ELMO1: variants seen among roughly 807,000 people sequenced by gnomAD.
ELMO1 encodes the protein engulfment and cell motility 1.
ELMO1 carries 26 observed loss-of-function variants against 98.9 expected under a neutral mutation model. That is an observed-to-expected ratio of 0.26 (90% CI 0.19 to 0.36). The LOEUF (loss-of-function observed/expected upper bound fraction) is 0.36, where lower values mean the gene tolerates loss of function less well. Among genes scored for constraint, ELMO1 ranks in the 10% least tolerant of loss-of-function variants. ELMO1 has a pLI of 1.00. For missense variants in ELMO1, 627 were observed against 935.2 expected, an observed-to-expected ratio of 0.67 and a Z score of 4.30; for synonymous variants, 346 against 346.0, an observed-to-expected ratio of 1.00 and a Z score of 0.00.
At chr7:37,050,695 G>A (rs1182904679) in intron 15 of ELMO1, among the ~76,000 whole-genome samples, 1 of 148,082 alleles carries the variant, frequency 6.8e-6, no homozygotes, top group Non-Finnish European at 1.5e-5. Context: ...AAACTGGCTT[G>A]ACTGTAGAAA....
At chr7:37,242,295 GGTTA>G (rs1794801930) in intron 7 of ELMO1, among the ~76,000 whole-genome samples, 1 of 151,982 alleles carries the variant, frequency 6.6e-6, no homozygotes, top group South Asian at 2.1e-4. Flanking sequence ...ACTGACATCT[GGTTA>G]TTTTTATGGT....
In ELMO1 at chr7:37,132,036, C is replaced by G. The variant is rs376087485; in HGVS notation, c.1191+1094G>C. Reference sequence around the variant, plus strand: ...AGGCATGGTGACAACTGAAGAAACACGCCCACACATTGCCAAATGCTCTCT... The same window carrying G: ...AGGCATGGTGACAACTGAAGAAACAGGCCCACACATTGCCAAATGCTCTCT... On this transcript the variant is annotated intron_variant, in intron 14 of 21. Coordinates refer to ENST00000310758, the MANE Select transcript of ELMO1 (RefSeq NM_014800.11). Among the ~76,000 whole-genome samples the G allele has an allele frequency of 3.3e-5, 5 of 152,220 alleles. No homozygotes were observed. The South Asian group carries it at 6.2e-4, about 19-fold the overall frequency.
chr7:36,958,848 G>A (rs895713655), intron 16 of ELMO1, among the ~76,000 whole-genome samples: 3 of 151,460 alleles, frequency 2.0e-5, no homozygotes, highest in African/African-American at 7.3e-5. Context: ...TCACTCCCTA[G>A]GTGATCTGAT....
chr7:36,927,011 A>G (rs1423422056), intron 16 of ELMO1, among the ~76,000 whole-genome samples: 2 of 152,242 alleles, frequency 1.3e-5, no homozygotes. Context: ...ATTTAAAAAG[A>G]TACCCAGCCT....
intron 6 of ELMO1, among the ~76,000 whole-genome samples, chr7:37,253,337 T>C (rs770467355): frequency 3.7e-4 from 56 of 152,094 alleles, no homozygotes; most frequent in Non-Finnish European, 6.2e-4. Flanking sequence ...CAAATGTCCA[T>C]CAATGATAGA....
chr7:37,086,061 T>C (rs1048714097), intron 15 of ELMO1, among the ~76,000 whole-genome samples: 2 of 152,070 alleles, frequency 1.3e-5, no homozygotes, highest in South Asian at 4.1e-4. Flanking sequence ...CTCTCTCAGA[T>C]CTCTAAGGGC....
chr7:37,051,976 A>G (rs540092783), intron 15 of ELMO1, among the ~76,000 whole-genome samples: 1 of 152,230 alleles, frequency 6.6e-6, no homozygotes, highest in Non-Finnish European at 1.5e-5. Context: ...AGAGGTCATT[A>G]AACAGCAGAG....
At chr7:36,910,785 G>C (rs1025886511) in intron 16 of ELMO1, among the ~76,000 whole-genome samples, 1 of 152,170 alleles carries the variant, frequency 6.6e-6, no homozygotes, top group Non-Finnish European at 1.5e-5. Flanking sequence ...TAGAGCAGAC[G>C]AATGAAGCTA....
intron 1 of ELMO1, among the ~76,000 whole-genome samples, chr7:37,420,181 GCA>G: frequency 6.9e-6 from 1 of 145,870 alleles, no homozygotes; most frequent in South Asian, 2.3e-4. Context: ...CAAGGCTGCA[GCA>G]CTGTTCACTC....
chr7:36,932,780 T>C (rs1786153807), intron 16 of ELMO1, among the ~76,000 whole-genome samples: 1 of 152,212 alleles, frequency 6.6e-6, no homozygotes, highest in Admixed American at 6.5e-5. Flanking sequence ...TTCAGCCTGC[T>C]CTGTCAGGCT....
At chr7:37,415,141 A>C (rs10488650) in intron 1 of ELMO1, among the ~76,000 whole-genome samples, 4,859 of 152,290 alleles carry the variant, frequency 0.032, 265 homozygotes, top group African/African-American at 0.11. Context: ...AAGCCTGTTA[A>C]TTTTTAAATC....
rs533184527 is a variant in ELMO1, at chr7:36,902,063, C to T, written c.1438-7046G>A. Among the ~76,000 whole-genome samples the T allele has an allele frequency of 2.0e-5, 3 of 152,296 alleles. No homozygotes were observed. The East Asian group carries it at 5.8e-4, about 29-fold the overall frequency. ...TCACTGTGGTTCCACCACTGCAGTCCCCTGGTGAAGGGCCTCCTTGTCTAG... is the reference window on the plus strand; with the variant it reads ...TCACTGTGGTTCCACCACTGCAGTCTCCTGGTGAAGGGCCTCCTTGTCTAG... On this transcript the variant is annotated intron_variant, in intron 16 of 21. Coordinates refer to ENST00000310758, the MANE Select transcript of ELMO1 (RefSeq NM_014800.11).
chr7:36,894,537 G>C (rs1805826519), intron 17 of ELMO1, among the ~76,000 whole-genome samples: 1 of 152,132 alleles, frequency 6.6e-6, no homozygotes, highest in South Asian at 2.1e-4. Context: ...AGTTTTACTG[G>C]TCAAAGAGAA....
chr7:37,068,369 T>C (rs1005186478), intron 15 of ELMO1, among the ~76,000 whole-genome samples: 1 of 152,198 alleles, frequency 6.6e-6, no homozygotes, highest in Non-Finnish European at 1.5e-5. Flanking sequence ...CTATTCTTAG[T>C]AATAGAATAT....
chr7:37,085,645 GA>G lies in ELMO1; in HGVS notation c.1300+10973del, dbSNP rs1045927929. 5.4e-5 allele frequency among the ~76,000 whole-genome samples: 8 copies of G among 148,934 alleles called. No individual in the cohort carries two copies. The East Asian group carries it at 5.9e-4, about 11-fold the overall frequency. ...GCTGAGAACAGTGATTACTGCTTTGGAAAAAAAAAATAACCCGTGGGTCCAA... is the reference window on the plus strand; with the variant it reads ...GCTGAGAACAGTGATTACTGCTTTGGAAAAAAAAATAACCCGTGGGTCCAA... On this transcript the variant is annotated intron_variant, in intron 15 of 21. Transcript: ENST00000310758.
chr7:36,967,928 GTTA>G (rs1789587345), intron 16 of ELMO1, among the ~76,000 whole-genome samples: 1 of 151,996 alleles, frequency 6.6e-6, no homozygotes, highest in African/African-American at 2.4e-5. Context: ...TGCTTTGCCT[GTTA>G]TTATAACCCT....
intron 15 of ELMO1, among the ~76,000 whole-genome samples, chr7:37,061,763 A>G (rs1032369725): frequency 6.6e-6 from 1 of 152,188 alleles, no homozygotes; most frequent in African/African-American, 2.4e-5. Flanking sequence ...AAATAAATAC[A>G]CCGAATGGCA....
In ELMO1 at chr7:36,894,978, T is replaced by A. The variant is rs1417840288; in HGVS notation, c.1477A>T (p.Thr493Ser). The stretch of plus-strand genomic sequence containing the variant: ...TGGTCCAGGGAGCTAGGCTTGGTTG[T>A]AAGTGCTCTCATAACCTGCTCCTTC... ...VVKEQVMRAL[T>S]TKPSSLDQFK... Residue 493 changes from threonine (T) to serine (S), a missense_variant, in exon 17 of 22, where the codon ACA (threonine) becomes TCA (serine). This residue lies in a region of ELMO1 where 492 missense variants were observed against 715.6 expected (regional missense o/e 0.69). Transcript: ENST00000310758. The A allele has an allele frequency of 6.2e-7, 1 of 1,613,910 alleles. No homozygotes were observed. The highest frequency in any genetic ancestry group is 8.5e-7 in the Non-Finnish European group (1 of 1,180,000).
intron 16 of ELMO1, among the ~76,000 whole-genome samples, chr7:36,917,417 T>TCTGAAA (rs1487681635): frequency 6.6e-6 from 1 of 152,162 alleles, no homozygotes; most frequent in Non-Finnish European, 1.5e-5. Flanking sequence ...TATTATAACC[T>TCTGAAA]CTGAAACTGA....
Sources: gnomAD v4.1 joint callset for allele counts (sites outside exome capture counted in the v4.1 genomes callset) on GRCh38, gnomAD v4.1.1 for gene constraint, gnomAD v4.1.1 regional missense constraint, MANE v1.5 for transcripts, NCBI Gene and HGNC (gene_info 2026-07-23, HGNC 2026-07-21) for gene names.